The following CCDC102B variants were observed in gnomAD, a reference collection of about 807,000 sequenced individuals.
CCDC102B encodes coiled-coil domain-containing protein 102B.
Under a neutral mutation model 57.4 loss-of-function variants are expected in CCDC102B, and 75 were observed. The ratio of observed to expected loss-of-function variants is 1.31; its 90% CI spans 1.08 to 1.58. The LOEUF (loss-of-function observed/expected upper bound fraction) is 1.58. Ranked by LOEUF, CCDC102B falls within the 40% of genes most tolerant of loss-of-function variation. CCDC102B has a pLI of 0.00. For synonymous variants in CCDC102B, 206 were observed against 201.9 expected (o/e 1.02, Z -0.17); for missense variants, 636 against 582.6 (o/e 1.09, Z -0.94).
At chr18:68,770,926 A>C (rs2144612791) in intron 2 of CCDC102B, among the ~76,000 whole-genome samples, 1 of 152,380 alleles carries the variant, frequency 6.6e-6, no homozygotes, top group South Asian at 2.1e-4. Flanking sequence ...CATCAAAGGA[A>C]GAATATTTAA....
intron 2 of CCDC102B, among the ~76,000 whole-genome samples, chr18:68,749,420 C>T (rs2033757004): frequency 6.6e-6 from 1 of 152,092 alleles, no homozygotes; most frequent in African/African-American, 2.4e-5. Flanking sequence ...ATGGAATGTT[C>T]TTCCATTTGT....
chr18:68,856,946 TAC>T (rs943624993), intron 4 of CCDC102B, among the ~76,000 whole-genome samples: 3 of 145,632 alleles, frequency 2.1e-5, no homozygotes, highest in Admixed American at 7.2e-5. Flanking sequence ...TACACACACA[TAC>T]AGTCTATATA....
At chr18:68,958,757 T>C (rs2049972275) in intron 6 of CCDC102B, among the ~76,000 whole-genome samples, 1 of 152,168 alleles carries the variant, frequency 6.6e-6, no homozygotes, top group South Asian at 2.1e-4. Flanking sequence ...AGTTCTTTCT[T>C]CTGTTTGTTC....
intron 6 of CCDC102B, among the ~76,000 whole-genome samples, chr18:68,914,289 G>C (rs1053647025): frequency 2.6e-5 from 4 of 152,138 alleles, no homozygotes; most frequent in African/African-American, 9.7e-5. Context: ...TGTGCTAGGT[G>C]AATTGGCGTG....
In CCDC102B at chr18:68,846,368, T is replaced by A; in HGVS notation, c.883T>A (p.Trp295Arg). Residue 295 changes from tryptophan to arginine, a missense_variant, in exon 4 of 8, where the codon TGG becomes AGG. Trp to Arg is a moderately radical substitution (Grantham distance 101). Coordinates refer to ENST00000360242, the MANE Select transcript of CCDC102B (RefSeq NM_024781.3). ...IERLESALSL[W>R]KWKYEELKES... Reference sequence around the variant, plus strand: ...GAGACTGGAGTCGGCTTTGTCTCTGTGGAAGTGGAAGTATGAAGAACTGAA... The same window carrying A: ...GAGACTGGAGTCGGCTTTGTCTCTGAGGAAGTGGAAGTATGAAGAACTGAA... 1.3e-6 allele frequency: 2 copies of A among 1,589,372 alleles called. No homozygotes were observed. Among genetic ancestry groups the A allele is most frequent in the Non-Finnish European group, 1.7e-6 (2 of 1,169,556 alleles).
At chr18:68,857,079 T>A (rs1216278585) in intron 4 of CCDC102B, among the ~76,000 whole-genome samples, 25 of 110,894 alleles carry the variant, frequency 2.3e-4, no homozygotes, top group East Asian at 4.8e-4. Context: ...ATATTATATA[T>A]AAATATATTT....
upstream of CCDC102B, among the ~76,000 whole-genome samples, chr18:68,793,856 T>C (rs2035546185): frequency 6.6e-6 from 1 of 152,124 alleles, no homozygotes. Context: ...AGCGTTAACT[T>C]TTTCTATTGG....
intron 5 of CCDC102B, among the ~76,000 whole-genome samples, chr18:68,885,842 GTC>G (rs2039864991): frequency 2.6e-5 from 4 of 151,908 alleles, no homozygotes; most frequent in Non-Finnish European, 5.9e-5. Context: ...GGTAAAAGAT[GTC>G]TCAAAATAAA....
At chr18:68,894,927 T>C (rs1161862037) in intron 5 of CCDC102B, among the ~76,000 whole-genome samples, 2 of 151,908 alleles carry the variant, frequency 1.3e-5, no homozygotes, top group Non-Finnish European at 2.9e-5. Context: ...GTTAAATCAA[T>C]TTATTTAATT....
chr18:68,979,408 A>T (rs1012766548), intron 6 of CCDC102B, among the ~76,000 whole-genome samples: 1 of 152,044 alleles, frequency 6.6e-6, no homozygotes, highest in Admixed American at 6.6e-5. Context: ...TTCATTTAAC[A>T]GCATGAAACA....
chr18:69,020,232 G>A (rs1212684626), intron 7 of CCDC102B, among the ~76,000 whole-genome samples: 1 of 152,044 alleles, frequency 6.6e-6, no homozygotes, highest in African/African-American at 2.4e-5. Context: ...CATAGGATGA[G>A]ATTTAGCATC....
At chr18:68,791,112 T>C (rs2035443316) in intron 2 of CCDC102B, among the ~76,000 whole-genome samples, 1 of 152,246 alleles carries the variant, frequency 6.6e-6, no homozygotes, top group Non-Finnish European at 1.5e-5. Flanking sequence ...GAATATTTAT[T>C]AACATTATTC....
chr18:69,025,490 T>A (rs992057280), intron 7 of CCDC102B, among the ~76,000 whole-genome samples: 19 of 152,328 alleles, frequency 1.2e-4, no homozygotes, highest in African/African-American at 3.4e-4. Context: ...CACTACTGCA[T>A]GTGCGTGTAA....
At chr18:69,023,742 CT>C in intron 7 of CCDC102B, among the ~76,000 whole-genome samples, 1 of 151,922 alleles carries the variant, frequency 6.6e-6, no homozygotes, top group South Asian at 2.1e-4. Flanking sequence ...AACATATCCC[CT>C]ATTTTTATAT....
chr18:68,857,248 T>TTTTTATA (rs1568292516), intron 4 of CCDC102B, among the ~76,000 whole-genome samples: 7 of 79,142 alleles, frequency 8.8e-5, no homozygotes, highest in Non-Finnish European at 1.5e-4. Flanking sequence ...AAATATATAT[T>TTTTTATA]TATTATTTAA....
At chr18:68,939,617 A>G (rs1236969311) in intron 6 of CCDC102B, among the ~76,000 whole-genome samples, 1 of 151,862 alleles carries the variant, frequency 6.6e-6, no homozygotes, top group African/African-American at 2.4e-5. Flanking sequence ...TTATTAAAGA[A>G]GATATATCAC....
intron 4 of CCDC102B, 114 bp downstream of exon 4, chr18:68,846,535 T>G: frequency 7.1e-6 from 4 of 561,608 alleles, no homozygotes; most frequent in Non-Finnish European, 1.2e-5. Flanking sequence ...GGTTAAAAAT[T>G]GGAATTTCCT....
At position 68,857,176 on chromosome 18, in the gene CCDC102B, TA is replaced by T. The variant is rs1169026589; in HGVS notation, c.936+10760del. Among the ~76,000 whole-genome samples, 58 of 17,076 alleles carry T rather than the reference TA, an allele frequency of 3.4e-3. 4 individuals carry two copies. The highest frequency in any genetic ancestry group is 0.01 in the African/African-American group (45 of 4,296). 11.2% of individuals were successfully genotyped at this position (17,076 alleles called of 152,430 possible). A position where few individuals can be genotyped will look rare whatever the true frequency, so the allele number is the denominator to read the frequency against. On this transcript the variant is annotated intron_variant, in intron 4 of 7. Coordinates refer to ENST00000360242, the MANE Select transcript of CCDC102B (RefSeq NM_024781.3). ...TATTTATATATTTTTATATAATATA[TA>T]AAAATATATTTATATATTTTTATAT... is the stretch of plus-strand genomic sequence containing the variant.
chr18:68,879,385 C>T (rs1355467568), intron 5 of CCDC102B, among the ~76,000 whole-genome samples: 2 of 152,134 alleles, frequency 1.3e-5, no homozygotes, highest in African/African-American at 2.4e-5. Context: ...GAGCGGGTTG[C>T]CACTGCTGGC....
Sources: gnomAD v4.1 joint callset for allele counts (sites outside exome capture counted in the v4.1 genomes callset) on GRCh38, gnomAD v4.1.1 for gene constraint, MANE v1.5 for transcripts, NCBI Gene and HGNC (gene_info 2026-07-23, HGNC 2026-07-21) for gene names.